SMG6: variants seen among roughly 807,000 people sequenced by gnomAD.
The protein encoded by SMG6 is SMG6 nonsense mediated mRNA decay factor.
Under a neutral mutation model 142.2 loss-of-function variants are expected in SMG6, and 66 were observed. The observed-to-expected ratio is 0.46, with a 90% CI of 0.38 to 0.57. The LOEUF is 0.57. Among genes scored for constraint, SMG6 ranks in the 20% least tolerant of loss-of-function variants. The pLI, the probability that SMG6 is intolerant of heterozygous loss-of-function variation, is 0.00. For synonymous variants in SMG6, 779 were observed against 702.4 expected (o/e 1.11, Z -1.72); for missense variants, 1,793 against 1,832.0 (o/e 0.98, Z 0.39).
At chr17:2,145,190 T>C (rs1301796701) in intron 13 of SMG6, among the ~76,000 whole-genome samples, 1 of 152,118 alleles carries the variant, frequency 6.6e-6, no homozygotes, top group African/African-American at 2.4e-5. Context: ...ATCGGTTCAC[T>C]GCAACATCTA....
intron 15 of SMG6, among the ~76,000 whole-genome samples, chr17:2,070,778 A>G (rs1041260563): frequency 5.3e-5 from 8 of 152,146 alleles, no homozygotes; most frequent in Non-Finnish European, 1.0e-4. Flanking sequence ...CATGAGAGCA[A>G]GGTGCCACTA....
Position 2,299,217 on chromosome 17 carries a change from C to T in SMG6, c.1536G>A (p.Arg512=). The T allele has an allele frequency of 6.2e-7, 1 of 1,613,676 alleles. No individual in the cohort carries two copies. Among genetic ancestry groups the T allele is most frequent in the South Asian group, 1.1e-5 (1 of 91,034 alleles). Residue 512 remains arginine (R), a synonymous_variant, in exon 2 of 19, where the codon CGG becomes CGA. Transcript: ENST00000263073. The surrounding 1 kb of genome is among the most constrained non-coding windows in gnomAD (Gnocchi z 4.3). ...QNSDNPYYYP[R]TPGPASQYPY... is the part of the protein sequence containing the mutation. ...GATACTGGGAGGCAGGGCCTGGTGT[C>T]CGGGGGTAATAATAGGGGTTGTCAG...
intron 15 of SMG6, chr17:2,073,000 A>G (rs1398095176): frequency 2.0e-5 from 3 of 152,222 alleles, no homozygotes; most frequent in Non-Finnish European, 4.4e-5. Context: ...CAGAGCATAA[A>G]TATCAGGGGG....
rs112611271 is a variant in SMG6 at position 2,282,495 on chromosome 17, G to A, written c.2661+152C>T. The A allele has an allele frequency of 8.6e-4, 590 of 687,372 alleles. 1 individual carries two copies. The African/African-American group carries it at 9.1e-3, about 11-fold the overall frequency. 42.6% of individuals were successfully genotyped at this position (687,372 alleles called of 1,614,324 possible). ...AGTACATAATAAAGATAAAGGAAGC[G>A]TACATGAGAAGGGAAAAGACCATCA... On this transcript the variant is annotated intron_variant, in intron 8 of 18. Transcript: ENST00000263073.
At chr17:2,156,329 G>A (rs1597485289) in intron 13 of SMG6, among the ~76,000 whole-genome samples, 1 of 137,914 alleles carries the variant, frequency 7.3e-6, no homozygotes, top group Admixed American at 8.1e-5. Flanking sequence ...GGGAGGTGGA[G>A]GATGAAGTGA....
At chr17:2,195,019 A>G (rs1567674220) in intron 10 of SMG6, among the ~76,000 whole-genome samples, 2 of 152,184 alleles carry the variant, frequency 1.3e-5, no homozygotes, top group African/African-American at 4.8e-5. Flanking sequence ...GGGGTCAGAA[A>G]TACTTGAGGA....
At chr17:2,167,097 A>G (rs540131348) in intron 13 of SMG6, among the ~76,000 whole-genome samples, 100 of 125,908 alleles carry the variant, frequency 7.9e-4, no homozygotes, top group Non-Finnish European at 1.1e-3. Flanking sequence ...ACACCACTGC[A>G]CTCCAGCCTG....
intron 13 of SMG6, among the ~76,000 whole-genome samples, chr17:2,091,990 T>A (rs2068738769): frequency 7.3e-6 from 1 of 137,862 alleles, no homozygotes; most frequent in South Asian, 2.2e-4. Flanking sequence ...CCCCTTTTTC[T>A]TTTTTTTTTT....
chr17:2,211,101 T>TAAAAA (rs56893397), intron 10 of SMG6, among the ~76,000 whole-genome samples: 2,146 of 141,126 alleles, frequency 0.015, 41 homozygotes, highest in African/African-American at 0.038. Flanking sequence ...TGGATTTTAT[T>TAAAAA]AAAAAAAAAA....
chr17:2,267,754 T>A (rs575121019), intron 8 of SMG6, among the ~76,000 whole-genome samples: 299 of 145,722 alleles, frequency 2.1e-3, no homozygotes, highest in African/African-American at 5.2e-3. Flanking sequence ...TATTATTATT[T>A]TTTTTTTTTT....
At chr17:2,297,618 T>C (rs991985959) in intron 3 of SMG6, among the ~76,000 whole-genome samples, 20 of 151,840 alleles carry the variant, frequency 1.3e-4, no homozygotes, top group Admixed American at 3.3e-4. Context: ...AACACATACA[T>C]ACACATTCTC....
chr17:2,157,568 T>C (rs561007838), intron 13 of SMG6, among the ~76,000 whole-genome samples: 7 of 152,334 alleles, frequency 4.6e-5, no homozygotes, highest in African/African-American at 1.4e-4. Flanking sequence ...AACATGAGTA[T>C]GACTGAGCAG....
chr17:2,102,099 C>A (rs1198661473), intron 13 of SMG6, among the ~76,000 whole-genome samples: 2 of 152,186 alleles, frequency 1.3e-5, no homozygotes, highest in African/African-American at 4.8e-5. Context: ...AGTGTCGTGG[C>A]CTCCTAACTT....
At chr17:2,133,896 C>G (rs2070204988) in intron 13 of SMG6, among the ~76,000 whole-genome samples, 1 of 152,190 alleles carries the variant, frequency 6.6e-6, no homozygotes, top group East Asian at 1.9e-4. Context: ...TACTAACCAT[C>G]TTGGGATGGG....
chr17:2,169,945 T>C (rs1054140324), intron 13 of SMG6, among the ~76,000 whole-genome samples: 2 of 152,118 alleles, frequency 1.3e-5, no homozygotes, highest in Non-Finnish European at 2.9e-5. Flanking sequence ...TCTGTGTGTG[T>C]TTTGAAGGTA....
chr17:2,246,386 C>T (rs1384170042), intron 8 of SMG6, among the ~76,000 whole-genome samples: 2 of 152,180 alleles, frequency 1.3e-5, no homozygotes, highest in African/African-American at 4.8e-5. Context: ...AGGAGAAAGT[C>T]CCTGTTTAAT....
At position 2,112,572 on chromosome 17, in the gene SMG6, A is replaced by T. The variant is rs556451601; in HGVS notation, c.3358-26671T>A. On this transcript the variant is annotated intron_variant, in intron 13 of 18. Transcript: ENST00000263073. ...ATAAATAAATAAATAAATAAATAAAAGGCAATGGTCTGTTCCAAGTTCTTG... is the reference window on the plus strand; with the variant it reads ...ATAAATAAATAAATAAATAAATAAATGGCAATGGTCTGTTCCAAGTTCTTG... Among the ~76,000 whole-genome samples the T allele has an allele frequency of 4.1e-4, 61 of 149,312 alleles. 3 individuals are homozygous for T. The South Asian group carries it at 6.9e-3, about 17-fold the overall frequency.
intron 13 of SMG6, among the ~76,000 whole-genome samples, chr17:2,095,322 T>C (rs955414411): frequency 5.9e-5 from 9 of 152,250 alleles, no homozygotes; most frequent in Non-Finnish European, 1.3e-4. Context: ...GTTTGCCTTC[T>C]AGACAGCCAC....
At chr17:2,270,976 T>G (rs216184) in intron 8 of SMG6, among the ~76,000 whole-genome samples, 130,149 of 152,198 alleles carry the variant, frequency 0.86, 56,238 homozygotes, top group East Asian at 0.98. Context: ...AGGCCTACAG[T>G]TGTAACTTTA....
Sources: allele counts gnomAD v4.1 joint callset (sites outside exome capture counted in the v4.1 genomes callset), GRCh38; gene constraint gnomAD v4.1.1; non-coding constraint Gnocchi (gnomAD v3.1); transcripts MANE v1.5; gene names NCBI Gene and HGNC (gene_info 2026-07-23, HGNC 2026-07-21).